CCDC102B: variants seen among roughly 807,000 people sequenced by gnomAD.
CCDC102B encodes the protein coiled-coil domain containing 102B, also known as coiled-coil domain-containing protein 102B.
A neutral mutation model predicts 57.4 loss-of-function variants in CCDC102B; 75 were observed. The observed-to-expected ratio is 1.31, with a 90% CI of 1.08 to 1.58. The LOEUF (loss-of-function observed/expected upper bound fraction) is 1.58. CCDC102B is among the 40% of genes most tolerant of loss of function. The pLI, the probability that CCDC102B is intolerant of heterozygous loss-of-function variation, is 0.00. For missense variants in CCDC102B, 636 were observed against 582.6 expected (o/e 1.09, Z -0.94); for synonymous variants, 206 against 201.9 (o/e 1.02, Z -0.17).
intron 5 of CCDC102B, among the ~76,000 whole-genome samples, chr18:68,876,490 T>C (rs773495139): frequency 8.5e-5 from 13 of 152,224 alleles, no homozygotes; most frequent in Non-Finnish European, 1.3e-4. Flanking sequence ...AAGGATATTG[T>C]ATAATTAGAA....
At chr18:68,785,327 C>A (rs905241714) in intron 2 of CCDC102B, among the ~76,000 whole-genome samples, 4 of 152,088 alleles carry the variant, frequency 2.6e-5, no homozygotes, top group Non-Finnish European at 4.4e-5. Context: ...ATTTATAGTC[C>A]TTTGGGTATA....
chr18:68,927,124 T>C (rs896383830), intron 6 of CCDC102B, among the ~76,000 whole-genome samples: 2 of 151,964 alleles, frequency 1.3e-5, no homozygotes, highest in Admixed American at 6.6e-5. Context: ...AAAGTAGTTA[T>C]GGTGCAGGAG....
chr18:69,016,745 T>C (rs993087338), intron 7 of CCDC102B, among the ~76,000 whole-genome samples: 2 of 152,246 alleles, frequency 1.3e-5, no homozygotes, highest in African/African-American at 2.4e-5. Context: ...CAGTCTTCTC[T>C]TGATGAAGGT....
At chr18:68,999,191 G>A (rs2051132542) in intron 6 of CCDC102B, among the ~76,000 whole-genome samples, 1 of 151,960 alleles carries the variant, frequency 6.6e-6, no homozygotes, top group African/African-American at 2.4e-5. Flanking sequence ...AGATGGATAA[G>A]TGGATAAAGA....
At chr18:68,747,286 A>G (rs1181717633) in intron 2 of CCDC102B, among the ~76,000 whole-genome samples, 4 of 151,848 alleles carry the variant, frequency 2.6e-5, no homozygotes, top group Admixed American at 2.6e-4. Context: ...TACTTCTATG[A>G]GATATTTTTC....
chr18:68,988,564 A>G (rs1274423997), intron 6 of CCDC102B, among the ~76,000 whole-genome samples: 2 of 145,308 alleles, frequency 1.4e-5, no homozygotes, highest in Non-Finnish European at 2.9e-5. Flanking sequence ...TACAAAAAAA[A>G]ACAAAAAAAA....
At chr18:68,808,616 T>G (rs984860890) in intron 1 of CCDC102B, among the ~76,000 whole-genome samples, 1 of 151,888 alleles carries the variant, frequency 6.6e-6, no homozygotes, top group African/African-American at 2.4e-5. Context: ...TAGCTGGGAC[T>G]ACAGGCGCCC....
intron 2 of CCDC102B, among the ~76,000 whole-genome samples, chr18:68,788,350 T>C (rs983490456): frequency 6.7e-6 from 1 of 149,598 alleles, no homozygotes; most frequent in African/African-American, 2.4e-5. Flanking sequence ...TAGGTCCGCT[T>C]GGTGCAGAGC....
chr18:68,815,260 G>T (rs577486891), intron 1 of CCDC102B, among the ~76,000 whole-genome samples: 7 of 152,022 alleles, frequency 4.6e-5, no homozygotes, highest in African/African-American at 1.7e-4. Flanking sequence ...ATACAAACAC[G>T]GAGGCAACAA....
chr18:68,879,589 G>T (rs1268252754), intron 5 of CCDC102B, among the ~76,000 whole-genome samples: 2 of 152,064 alleles, frequency 1.3e-5, no homozygotes, highest in Non-Finnish European at 2.9e-5. Context: ...GGCCCCACCA[G>T]AGTAGCTAGA....
intron 7 of CCDC102B, among the ~76,000 whole-genome samples, chr18:69,033,696 A>G (rs1281902539): frequency 6.6e-6 from 1 of 151,926 alleles, no homozygotes. Context: ...ATTTTTGTGT[A>G]GATGTATGTT....
At chr18:68,993,030 G>C (rs2050916205) in intron 6 of CCDC102B, 1 of 156,378 alleles carries the variant, frequency 6.4e-6, no homozygotes, top group Non-Finnish European at 1.4e-5. Flanking sequence ...CCAGCTGTCT[G>C]GCACCAGCCC....
At position 68,846,426 on chromosome 18, in the gene CCDC102B, G is replaced by A. The variant is rs761681793; in HGVS notation, c.936+5G>A. ...AAGCCAAAAAATGTGAAAGAGGTAT[G>A]GGGGAATATGATGTAAAGGAAGAAA... On this transcript the variant is annotated splice_donor_5th_base_variant and intron_variant, in intron 4 of 7. Transcript: ENST00000360242. The A allele has an allele frequency of 2.0e-5, 30 of 1,500,930 alleles. No homozygotes were observed. The highest frequency in any genetic ancestry group is 2.5e-5 in the Non-Finnish European group (27 of 1,101,830). 93.0% of individuals were successfully genotyped at this position (1,500,930 alleles called of 1,614,324 possible).
chr18:68,885,747 G>C (rs1019025734), intron 5 of CCDC102B, among the ~76,000 whole-genome samples: 2 of 151,946 alleles, frequency 1.3e-5, no homozygotes, highest in African/African-American at 4.8e-5. Context: ...TTCACAAAAT[G>C]ATGTAAAAAA....
intron 2 of CCDC102B, among the ~76,000 whole-genome samples, chr18:68,750,805 G>T (rs1009370506): frequency 1.1e-4 from 14 of 124,130 alleles, no homozygotes; most frequent in Admixed American, 3.5e-4. Context: ...GTCGTGGGGT[G>T]GGGGGAGGGG....
At chr18:68,948,314 T>C (rs945048171) in intron 6 of CCDC102B, among the ~76,000 whole-genome samples, 2 of 152,286 alleles carry the variant, frequency 1.3e-5, no homozygotes, top group East Asian at 3.9e-4. Flanking sequence ...AATCTTCCTC[T>C]ATTTTAAATA....
chr18:68,939,900 T>G lies in CCDC102B; in HGVS notation c.1263+42472T>G, dbSNP rs570741477. Among the ~76,000 whole-genome samples the G allele has an allele frequency of 8.6e-5, 13 of 151,944 alleles. No individual in the cohort carries two copies. The East Asian group carries it at 2.3e-3, about 27-fold the overall frequency. The stretch of plus-strand genomic sequence containing the variant: ...AACCTGTAACTAATACCAAATCCTT[T>G]GAACATATGGGCTTGTCAATTCTGT... On this transcript the variant is annotated intron_variant, in intron 6 of 7. Coordinates refer to ENST00000360242, the MANE Select transcript of CCDC102B (RefSeq NM_024781.3).
At chr18:68,804,898 C>A (rs1311627085) in intron 1 of CCDC102B, among the ~76,000 whole-genome samples, 1 of 147,626 alleles carries the variant, frequency 6.8e-6, no homozygotes, top group Admixed American at 6.8e-5. Flanking sequence ...GGTATTATAG[C>A]ATGTGCATTT....
At chr18:68,826,139 A>C (rs556198207) in intron 1 of CCDC102B, among the ~76,000 whole-genome samples, 184 of 152,356 alleles carry the variant, frequency 1.2e-3, no homozygotes, top group African/African-American at 4.3e-3. Context: ...TAAGAAACTA[A>C]ATTTTGGTGT....
Sources: gnomAD v4.1 joint callset for allele counts (sites outside exome capture counted in the v4.1 genomes callset) on GRCh38, gnomAD v4.1.1 for gene constraint, MANE v1.5 for transcripts, NCBI Gene and HGNC (gene_info 2026-07-23, HGNC 2026-07-21) for gene names.